The following ACVR1 variants were observed in gnomAD, a reference collection of about 807,000 sequenced individuals.
ACVR1 encodes the protein activin receptor type-1.
ACVR1 carries 38 observed loss-of-function variants against 57.1 expected under a neutral mutation model. The ratio of observed to expected loss-of-function variants is 0.67; its 90% CI spans 0.51 to 0.87. The LOEUF (loss-of-function observed/expected upper bound fraction) is 0.87. Ranked by LOEUF, ACVR1 falls within the 40% of genes least tolerant of loss-of-function variation. The pLI, the probability that ACVR1 is intolerant of heterozygous loss-of-function variation, is 0.00. For missense variants in ACVR1, 463 were observed against 638.2 expected (o/e 0.73, Z 2.96); for synonymous variants, 212 against 228.1 (o/e 0.93, Z 0.63).
intron 3 of ACVR1, 72 bp from the exon 4 acceptor site, chr2:157,780,672 G>T: frequency 6.4e-7 from 1 of 1,556,500 alleles, no homozygotes; most frequent in Non-Finnish European, 8.7e-7. Context: ...CCTTCATTGA[G>T]GGAATGACCA....
Position 157,738,483 on chromosome 2 carries a change from T to A in ACVR1, c.1352A>T (p.Asp451Val), listed in dbSNP as rs1477301509. The A allele has an allele frequency of 1.9e-6, 3 of 1,614,128 alleles. No individual in the cohort carries two copies. Among genetic ancestry groups the A allele is most frequent in the Non-Finnish European group, 8.5e-7 (1 of 1,179,978 alleles). Residue 451 changes from aspartate to valine, a missense_variant, in exon 10 of 11, where the codon GAT becomes GTT. Physicochemically the swap from Asp to Val is radical, Grantham distance 152. Transcript: ENST00000434821. ...FEDMRKVVCV[D>V]QQRPNIPNRW... ...GTTGGGTATGTTTGGCCTTTGTTGATCCACACAGACTACCTTCCTCATATC... is the reference window on the plus strand; with the variant it reads ...GTTGGGTATGTTTGGCCTTTGTTGAACCACACAGACTACCTTCCTCATATC...
chr2:157,852,410 C>T lies in ACVR1; in HGVS notation c.-183+23386G>A, dbSNP rs191361572. ...CTATAGGGAGGCTGATGTGGGAGAA[C>T]TGCTTGAACTAGGGAGGTGGAGACT... On this transcript the variant is annotated intron_variant, in intron 1 of 10. Transcript: ENST00000434821. 6.0e-5 allele frequency among the ~76,000 whole-genome samples: 9 copies of T among 150,364 alleles called. No homozygotes were observed. In the East Asian group the frequency reaches 1.8e-3, roughly 30 times the overall value.
chr2:157,772,473 A>G (rs541372987), intron 6 of ACVR1, among the ~76,000 whole-genome samples: 1 of 152,360 alleles, frequency 6.6e-6, no homozygotes, highest in African/African-American at 2.4e-5. Flanking sequence ...CTTTAGTCCT[A>G]ACCCAAGAAA....
chr2:157,844,844 T>TA (rs528262907), intron 1 of ACVR1, among the ~76,000 whole-genome samples: 8 of 152,002 alleles, frequency 5.3e-5, no homozygotes, highest in East Asian at 3.9e-4. Context: ...CATGCTCTTA[T>TA]AAAAAAAGAG....
intron 9 of ACVR1, 81 bp downstream of exon 9, chr2:157,760,799 A>G (rs566851421): frequency 4.6e-5 from 62 of 1,351,316 alleles, no homozygotes; most frequent in Admixed American, 8.9e-5. Flanking sequence ...GTGAATTTCA[A>G]TAGTCCCTTC....
At chr2:157,778,393 T>C (rs1360090940) in intron 4 of ACVR1, 51 bp from the exon 5 acceptor site, 2 of 1,438,304 alleles carry the variant, frequency 1.4e-6, no homozygotes, top group Non-Finnish European at 9.7e-7. Flanking sequence ...ACTGCTTACT[T>C]ATTATTAGCA....
At chr2:157,857,535 T>C (rs564669979) in intron 1 of ACVR1, among the ~76,000 whole-genome samples, 1 of 152,320 alleles carries the variant, frequency 6.6e-6, no homozygotes, top group East Asian at 1.9e-4. Flanking sequence ...CCTTAATATA[T>C]TTAAACCTCA....
intron 1 of ACVR1, among the ~76,000 whole-genome samples, chr2:157,834,013 T>A (rs1294454150): frequency 6.6e-6 from 1 of 152,216 alleles, no homozygotes; most frequent in Non-Finnish European, 1.5e-5. Flanking sequence ...AACACAACCA[T>A]GAGGTATCCT....
chr2:157,842,026 C>CA (rs34227882), intron 1 of ACVR1, among the ~76,000 whole-genome samples: 81,407 of 99,542 alleles, frequency 0.82, 33,770 homozygotes, highest in East Asian at 0.96. Flanking sequence ...GACTCCATCT[C>CA]AAAAAAAAAA....
chr2:157,752,629 G>C (rs1166001127), intron 9 of ACVR1, among the ~76,000 whole-genome samples: 1 of 152,130 alleles, frequency 6.6e-6, no homozygotes, highest in South Asian at 2.1e-4. Context: ...GAAGGGATTG[G>C]GGCCCTATCT....
chr2:157,863,523 C>A (rs1689809984), intron 1 of ACVR1, among the ~76,000 whole-genome samples: 1 of 150,172 alleles, frequency 6.7e-6, no homozygotes, highest in African/African-American at 2.4e-5. Flanking sequence ...AGGGCAAAAC[C>A]CCATCTCTAC....
At chr2:157,831,545 T>C (rs78879398) in intron 1 of ACVR1, among the ~76,000 whole-genome samples, 5,063 of 152,306 alleles carry the variant, frequency 0.033, 279 homozygotes, top group African/African-American at 0.12. Context: ...TTTTAAATCC[T>C]ATTGTTTTCA....
rs76232653 is a variant in ACVR1 at position 157,785,819 on chromosome 2, T to C, written c.68-5219A>G. Among the ~76,000 whole-genome samples the C allele has an allele frequency of 5.2e-3, 796 of 152,300 alleles. 4 individuals carry two copies. Among genetic ancestry groups the C allele is most frequent in the Non-Finnish European group, 6.6e-3 (449 of 68,026 alleles). ...ATGATTTTGAACTCCAGATGTATTC[T>C]TCCGCCAATGTTCCCTGCCTCAGGA... On this transcript the variant is annotated intron_variant, in intron 3 of 10. Coordinates refer to ENST00000434821, the MANE Select transcript of ACVR1 (RefSeq NM_001111067.4).
intron 1 of ACVR1, among the ~76,000 whole-genome samples, chr2:157,866,189 A>C (rs1335557241): frequency 6.6e-6 from 1 of 152,236 alleles, no homozygotes; most frequent in Admixed American, 6.5e-5. Flanking sequence ...TAAACCAAAA[A>C]TGTCAGAGTT....
intron 3 of ACVR1, among the ~76,000 whole-genome samples, chr2:157,793,723 A>G (rs1687006070): frequency 6.6e-6 from 1 of 152,212 alleles, no homozygotes; most frequent in Admixed American, 6.5e-5. Context: ...TTTCTCTTCC[A>G]TTCATTCACC....
At chr2:157,833,098 C>T (rs1402417824) in intron 1 of ACVR1, among the ~76,000 whole-genome samples, 2 of 152,176 alleles carry the variant, frequency 1.3e-5, no homozygotes, top group African/African-American at 4.8e-5. Context: ...TTCTACCCTT[C>T]AAAAGCAATT....
At chr2:157,743,793 G>A (rs952776704) in intron 9 of ACVR1, among the ~76,000 whole-genome samples, 40 of 151,970 alleles carry the variant, frequency 2.6e-4, no homozygotes, top group African/African-American at 9.4e-4. Context: ...TGTCAAATAA[G>A]TTATGAAAAA....
At chr2:157,819,525 G>C (rs1163468551) in intron 1 of ACVR1, 1 of 150,062 alleles carries the variant, frequency 6.7e-6, no homozygotes, top group African/African-American at 2.5e-5. Context: ...AGTTTGAGCA[G>C]TACAAACTAC....
intron 2 of ACVR1, among the ~76,000 whole-genome samples, chr2:157,812,567 G>T (rs1318597325): frequency 1.3e-5 from 2 of 151,836 alleles, no homozygotes; most frequent in Non-Finnish European, 2.9e-5. Flanking sequence ...CATTAAAAAA[G>T]GTAAAAAGGA....
Sources: allele counts gnomAD v4.1 joint callset (sites outside exome capture counted in the v4.1 genomes callset), GRCh38; gene constraint gnomAD v4.1.1; transcripts MANE v1.5; gene names NCBI Gene and HGNC (gene_info 2026-07-23, HGNC 2026-07-21).